Variants in CBLB observed in about 807,000 individuals in gnomAD.
The protein encoded by CBLB is E3 ubiquitin-protein ligase CBL-B.
In CBLB, 31 loss-of-function variants were observed where a neutral mutation model predicts 104.9. That is an observed-to-expected ratio of 0.30 (90% CI 0.22 to 0.40). The LOEUF is 0.40. Ranked by LOEUF, CBLB falls within the 10% of genes least tolerant of loss-of-function variation. CBLB has a pLI of 1.00. For synonymous variants in CBLB, 440 were observed against 422.6 expected, an observed-to-expected ratio of 1.04 and a Z score of -0.51; for missense variants, 1,062 against 1,214.6, an observed-to-expected ratio of 0.87 and a Z score of 1.87.
chr3:105,702,474 G>GTC lies in CBLB; in HGVS notation c.1594-16_1594-15insGA. 1 of 165,604 alleles carries GTC rather than the reference G, an allele frequency of 6.0e-6. No individual in the cohort carries two copies. Among genetic ancestry groups the GTC allele is most frequent in the Non-Finnish European group, 9.5e-6 (1 of 105,782 alleles). The allele number at this position is 165,604 out of a possible 1,614,324, so 10.3% of individuals were successfully genotyped here. ...CAAGGAGAAGACTAAAGAAACAGAA[G>GTC]AGAAAAAAAAAAAAAAAAAAAAAAA... On this transcript the variant is annotated splice_polypyrimidine_tract_variant and intron_variant, in intron 11 of 18. Coordinates refer to ENST00000394030, the MANE Select transcript of CBLB (RefSeq NM_170662.5).
chr3:105,709,908 T>C (rs1357024135), intron 10 of CBLB, among the ~76,000 whole-genome samples: 2 of 151,968 alleles, frequency 1.3e-5, no homozygotes, highest in East Asian at 3.8e-4. Context: ...GAATATTTTG[T>C]TTGCTTTGAT....
chr3:105,815,503 T>A (rs1170076044), intron 3 of CBLB, among the ~76,000 whole-genome samples: 1 of 152,118 alleles, frequency 6.6e-6, no homozygotes, highest in African/African-American at 2.4e-5. Flanking sequence ...TGACATACCA[T>A]CTCACGCCAG....
chr3:105,758,366 G>A (rs1241454657), intron 4 of CBLB, among the ~76,000 whole-genome samples: 8 of 152,068 alleles, frequency 5.3e-5, no homozygotes, highest in Admixed American at 4.6e-4. Flanking sequence ...ACAGATGCTG[G>A]GTATTTATGC....
rs114689125 is a variant in CBLB, at chr3:105,711,681, T to C, written c.1408-7508A>G. Among the ~76,000 whole-genome samples the C allele has an allele frequency of 2.0e-3, 301 of 152,176 alleles. 2 individuals carry two copies. Among genetic ancestry groups the C allele is most frequent in the African/African-American group, 7.0e-3 (292 of 41,542 alleles). The stretch of plus-strand genomic sequence containing the variant: ...TCCAGAAGTCTCAACCTACAATAAT[T>C]TGGGGAGAAACCCAGAATGAAACAG... On this transcript the variant is annotated intron_variant, in intron 10 of 18. Coordinates refer to ENST00000394030, the MANE Select transcript of CBLB (RefSeq NM_170662.5).
intron 4 of CBLB, among the ~76,000 whole-genome samples, chr3:105,765,809 G>A (rs376254307): frequency 2.6e-5 from 4 of 152,174 alleles, no homozygotes; most frequent in Non-Finnish European, 4.4e-5. Flanking sequence ...GGAGATGTAC[G>A]AGGAGATTAA....
At chr3:105,847,499 T>C (rs1413028532) in intron 3 of CBLB, among the ~76,000 whole-genome samples, 1 of 151,788 alleles carries the variant, frequency 6.6e-6, no homozygotes, top group Non-Finnish European at 1.5e-5. Flanking sequence ...TGAAATGACA[T>C]TAATGTTAAT....
chr3:105,700,623 A>T (rs1207216732), intron 12 of CBLB, among the ~76,000 whole-genome samples: 1 of 152,218 alleles, frequency 6.6e-6, no homozygotes. Context: ...TCTTACATTT[A>T]CATTATATTT....
intron 3 of CBLB, among the ~76,000 whole-genome samples, chr3:105,812,445 G>A (rs527297024): frequency 9.8e-4 from 149 of 152,310 alleles, no homozygotes; most frequent in Non-Finnish European, 1.6e-3. Context: ...TGTGCCAAGA[G>A]CTATGCAAAG....
chr3:105,702,137 A>G lies in CBLB; in HGVS notation c.1916T>C (p.Met639Thr), dbSNP rs781121067. The G allele has an allele frequency of 1.9e-6, 3 of 1,614,172 alleles. No individual in the cohort carries two copies. Among genetic ancestry groups the G allele is most frequent in the East Asian group, 2.2e-5 (1 of 44,874 alleles). Residue 639 changes from methionine to threonine, a missense_variant, in exon 12 of 19, where the codon ATG becomes ACG. By Grantham distance (81) the Met-to-Thr change is moderately conservative (BLOSUM62 -1). This residue lies in a region of CBLB where 605 missense variants were observed against 582.6 expected (regional missense o/e 1.04). Transcript: ENST00000394030. ...CAAATCATGGCGTCTGTGTTTCCGC[A>G]TAAGCACTGGGTCAGAGCCCACTCT... ...HSRVGSDPVL[M>T]RKHRRHDLPL...
chr3:105,825,656 T>C (rs1429788422), intron 3 of CBLB, among the ~76,000 whole-genome samples: 1 of 152,196 alleles, frequency 6.6e-6, no homozygotes, highest in East Asian at 1.9e-4. Context: ...CAGATTTTAC[T>C]GCCATGTATC....
At chr3:105,708,523 C>T (rs940882059) in intron 10 of CBLB, among the ~76,000 whole-genome samples, 3 of 151,988 alleles carry the variant, frequency 2.0e-5, no homozygotes, top group Non-Finnish European at 4.4e-5. Flanking sequence ...AGCTCTAATG[C>T]CAACTGGTTA....
At chr3:105,696,251 G>A (rs963986796) in intron 12 of CBLB, among the ~76,000 whole-genome samples, 3 of 151,524 alleles carry the variant, frequency 2.0e-5, no homozygotes, top group Admixed American at 1.3e-4. Flanking sequence ...ACCTAAATGC[G>A]CAGGTACTTT....
chr3:105,753,273 C>T (rs540108719), intron 4 of CBLB, among the ~76,000 whole-genome samples: 1 of 151,694 alleles, frequency 6.6e-6, no homozygotes, highest in Non-Finnish European at 1.5e-5. Context: ...ATGAAAAAAA[C>T]AGGAAACCAC....
chr3:105,757,595 G>A (rs955529914), intron 4 of CBLB, among the ~76,000 whole-genome samples: 1 of 152,098 alleles, frequency 6.6e-6, no homozygotes, highest in Non-Finnish European at 1.5e-5. Context: ...TGTATGATTT[G>A]TGTACTTTTC....
intron 2 of CBLB, among the ~76,000 whole-genome samples, chr3:105,857,157 GTAT>G (rs1378124005): frequency 6.6e-6 from 1 of 152,010 alleles, no homozygotes; most frequent in Non-Finnish European, 1.5e-5. Context: ...TTTCTGTCAG[GTAT>G]TTTTTTTCCA....
intron 8 of CBLB, among the ~76,000 whole-genome samples, chr3:105,734,820 C>G (rs1299386426): frequency 6.6e-6 from 1 of 152,208 alleles, no homozygotes; most frequent in Non-Finnish European, 1.5e-5. Context: ...GAAAACAAAT[C>G]ACTTCAGTAA....
chr3:105,670,201 G>C (rs766320191), intron 18 of CBLB, 32 bp downstream of exon 18: 2 of 1,576,572 alleles, frequency 1.3e-6, no homozygotes, highest in East Asian at 2.2e-5. Context: ...ATAACAATAA[G>C]GTATTATTGT....
chr3:105,846,135 A>C (rs972156117), intron 3 of CBLB, among the ~76,000 whole-genome samples: 1 of 152,094 alleles, frequency 6.6e-6, no homozygotes, highest in Non-Finnish European at 1.5e-5. Context: ...GTATATGTTT[A>C]TATCAAAATA....
rs2152659172 is a variant in CBLB, at chr3:105,659,086, C to T, written c.2833G>A (p.Ala945Thr). The change falls in exon 19 of 19, where the codon GCC becomes ACC. Residue 945 changes from alanine to threonine, a missense_variant. Around this residue, in one of 2 missense-constraint regions of CBLB, gnomAD observed 605 missense variants for 582.6 expected, o/e 1.04. Coordinates refer to ENST00000394030, the MANE Select transcript of CBLB (RefSeq NM_170662.5). ...AAGGCTCTCTTCACCTCTTCAAAGG[C>T]ATAACCCTCTCCCATGAGTTTTGCA... is the stretch of plus-strand genomic sequence containing the variant. ...KIAKLMGEGYAFEEVKRALEI... is the reference protein window; with the variant it reads ...KIAKLMGEGYTFEEVKRALEI... 1 of 1,614,048 alleles carries T rather than the reference C, an allele frequency of 6.2e-7. No individual in the cohort carries two copies. The highest frequency in any genetic ancestry group is 1.7e-4 in the Middle Eastern group (1 of 6,060).
Sources: gnomAD v4.1 joint callset for allele counts (sites outside exome capture counted in the v4.1 genomes callset) on GRCh38, gnomAD v4.1.1 for gene constraint, gnomAD v4.1.1 regional missense constraint, MANE v1.5 for transcripts, NCBI Gene and HGNC (gene_info 2026-07-23, HGNC 2026-07-21) for gene names.